IPCEF1: variants seen among roughly 807,000 people sequenced by gnomAD.
IPCEF1 encodes the protein interaction protein for cytohesin exchange factors 1, also known as interactor protein for cytohesin exchange factors 1.
A neutral mutation model predicts 50.9 loss-of-function variants in IPCEF1; 31 were observed. The ratio of observed to expected loss-of-function variants is 0.61; its 90% CI spans 0.46 to 0.82. The LOEUF is 0.82. Ranked by LOEUF, IPCEF1 falls within the 40% of genes least tolerant of loss-of-function variation. The pLI, the probability that IPCEF1 is intolerant of heterozygous loss-of-function variation, is 0.00. For synonymous variants in IPCEF1, 181 were observed against 192.0 expected (o/e 0.94, Z 0.47); for missense variants, 458 against 514.0 (o/e 0.89, Z 1.05).
At chr6:154,302,823 G>T (rs1365770932) in intron 1 of IPCEF1, among the ~76,000 whole-genome samples, 1 of 151,958 alleles carries the variant, frequency 6.6e-6, no homozygotes, top group Non-Finnish European at 1.5e-5. Context: ...TAGGACCCAG[G>T]GTGCTTGTAA....
Position 154,159,380 on chromosome 6 carries a change from C to G in IPCEF1, c.*448G>C, listed in dbSNP as rs1420175161. The G allele has an allele frequency of 3.5e-5, 6 of 170,714 alleles. No homozygotes were observed. The highest frequency in any genetic ancestry group is 1.4e-4 in the African/African-American group (6 of 41,550). The allele number at this position is 170,714 out of a possible 1,614,324, so 10.6% of individuals were successfully genotyped here. ...CCAGTCACTGCTCTAGAAAACATTCCTCCACTCAAACAGTGATTTGGGCCA... is the reference window on the plus strand; with the variant it reads ...CCAGTCACTGCTCTAGAAAACATTCGTCCACTCAAACAGTGATTTGGGCCA... On this transcript the variant is annotated 3_prime_UTR_variant, in exon 12 of 12. Coordinates refer to ENST00000367220, the MANE Select transcript of IPCEF1 (RefSeq NM_001130700.2).
intron 2 of IPCEF1, among the ~76,000 whole-genome samples, chr6:154,289,251 GT>G (rs1295165175): frequency 6.6e-6 from 1 of 151,680 alleles, no homozygotes; most frequent in Non-Finnish European, 1.5e-5. Flanking sequence ...TCTTCAGATT[GT>G]TTTACTCTTC....
At chr6:154,314,606 A>C (rs1342533021) in intron 1 of IPCEF1, among the ~76,000 whole-genome samples, 3 of 152,188 alleles carry the variant, frequency 2.0e-5, no homozygotes, top group Non-Finnish European at 4.4e-5. Flanking sequence ...ATGAAAAGAA[A>C]ACTCAGAACA....
chr6:154,316,941 G>A (rs904586461), intron 1 of IPCEF1, among the ~76,000 whole-genome samples: 2 of 151,966 alleles, frequency 1.3e-5, no homozygotes, highest in African/African-American at 4.8e-5. Flanking sequence ...AAACTGGATA[G>A]CCATATGAAA....
intron 10 of IPCEF1, among the ~76,000 whole-genome samples, chr6:154,180,164 T>C (rs76296754): frequency 0.036 from 5,490 of 151,852 alleles, 139 homozygotes; most frequent in Non-Finnish European, 0.049. Context: ...CTCAAAGGAG[T>C]ATGTCCAAAA....
At chr6:154,211,323 G>A (rs768801491) in intron 9 of IPCEF1, among the ~76,000 whole-genome samples, 16 of 151,910 alleles carry the variant, frequency 1.1e-4, no homozygotes, top group Non-Finnish European at 1.5e-4. Flanking sequence ...GCAGGAGAAT[G>A]GTGTGAACCT....
At chr6:154,337,146 GA>G (rs1272564432) in intron 1 of IPCEF1, among the ~76,000 whole-genome samples, 1 of 151,890 alleles carries the variant, frequency 6.6e-6, no homozygotes, top group Non-Finnish European at 1.5e-5. Context: ...CAAGAAAAAA[GA>G]AAAAATGTGC....
At chr6:154,208,944 T>C (rs1301376979) in intron 9 of IPCEF1, among the ~76,000 whole-genome samples, 2 of 152,218 alleles carry the variant, frequency 1.3e-5, no homozygotes, top group African/African-American at 2.4e-5. Context: ...TAAATGGATG[T>C]TCTTTCCACT....
intron 1 of IPCEF1, among the ~76,000 whole-genome samples, chr6:154,305,340 A>G (rs1013707207): frequency 3.9e-5 from 6 of 152,016 alleles, no homozygotes; most frequent in African/African-American, 1.5e-4. Flanking sequence ...TAATTCTACC[A>G]TGCATTCTTC....
At chr6:154,315,936 T>C (rs1783206647) in intron 1 of IPCEF1, among the ~76,000 whole-genome samples, 1 of 151,910 alleles carries the variant, frequency 6.6e-6, no homozygotes, top group Non-Finnish European at 1.5e-5. Flanking sequence ...CTCAGCTCAC[T>C]GCAATCTCCG....
intron 1 of IPCEF1, among the ~76,000 whole-genome samples, chr6:154,354,494 T>TCTCCTCCACAAC (rs1784179745): frequency 1.2e-4 from 3 of 25,764 alleles, no homozygotes; most frequent in African/African-American, 6.3e-4. Context: ...ATCTCTACCG[T>TCTCCTCCACAAC]CACTTCCACC....
chr6:154,221,033 T>C (rs575402377), intron 7 of IPCEF1, among the ~76,000 whole-genome samples: 1 of 152,350 alleles, frequency 6.6e-6, no homozygotes, highest in Admixed American at 6.5e-5. Flanking sequence ...TTTTTCAACT[T>C]AGTGGTTCCC....
intron 1 of IPCEF1, among the ~76,000 whole-genome samples, chr6:154,330,325 CTTTTTTTTT>C (rs138406253): frequency 9.0e-5 from 8 of 89,244 alleles, no homozygotes; most frequent in East Asian, 4.0e-4. Flanking sequence ...ATTATAGCCT[CTTTTTTTTT>C]TTTTTTTTTT....
At chr6:154,295,102 G>A (rs536790788) in intron 1 of IPCEF1, among the ~76,000 whole-genome samples, 7 of 152,160 alleles carry the variant, frequency 4.6e-5, no homozygotes, top group African/African-American at 1.7e-4. Flanking sequence ...GGAAGCTGAG[G>A]CGGAAGAATG....
At chr6:154,248,883 G>A (rs1345619658) in intron 3 of IPCEF1, among the ~76,000 whole-genome samples, 2 of 151,910 alleles carry the variant, frequency 1.3e-5, no homozygotes, top group African/African-American at 2.4e-5. Context: ...ATATCGTTGA[G>A]ATAAACAAAT....
chr6:154,304,762 T>C (rs1440124466), intron 1 of IPCEF1, among the ~76,000 whole-genome samples: 1 of 151,894 alleles, frequency 6.6e-6, no homozygotes, highest in Non-Finnish European at 1.5e-5. Context: ...ATCTCCAGTT[T>C]GGAAAAAGAA....
intron 10 of IPCEF1, among the ~76,000 whole-genome samples, chr6:154,187,565 C>T (rs1801500425): frequency 6.6e-6 from 1 of 152,202 alleles, no homozygotes; most frequent in South Asian, 2.1e-4. Context: ...TACTACCTCA[C>T]CAGTAGTTAT....
chr6:154,341,272 T>C (rs925776250), intron 1 of IPCEF1, among the ~76,000 whole-genome samples: 2 of 152,166 alleles, frequency 1.3e-5, no homozygotes, highest in African/African-American at 4.8e-5. Context: ...GATATTTTCC[T>C]TTCACACTAG....
chr6:154,273,724 C>CTTTTT (rs71021036), intron 2 of IPCEF1, among the ~76,000 whole-genome samples: 2 of 63,314 alleles, frequency 3.2e-5, no homozygotes, highest in Admixed American at 2.3e-4. Flanking sequence ...TTCTTTCTTT[C>CTTTTT]TTTTTTTTTT....
Sources: allele counts gnomAD v4.1 joint callset (sites outside exome capture counted in the v4.1 genomes callset), GRCh38; gene constraint gnomAD v4.1.1; transcripts MANE v1.5; gene names NCBI Gene and HGNC (gene_info 2026-07-23, HGNC 2026-07-21).